The following KLHL5 variants were observed in gnomAD, a reference collection of about 807,000 sequenced individuals.
KLHL5 encodes the protein kelch like family member 5.
KLHL5 carries 48 observed loss-of-function variants against 77.7 expected under a neutral mutation model. That is an observed-to-expected ratio of 0.62 (90% CI 0.49 to 0.79). The LOEUF (loss-of-function observed/expected upper bound fraction) is 0.79. Ranked by LOEUF, KLHL5 falls within the 30% of genes least tolerant of loss-of-function variation. KLHL5 has a pLI of 0.00. For synonymous variants in KLHL5, 260 were observed against 297.0 expected, an observed-to-expected ratio of 0.88 and a Z score of 1.28; for missense variants, 723 against 859.7, an observed-to-expected ratio of 0.84 and a Z score of 1.99.
chr4:39,076,203 T>C (rs533369637), intron 2 of KLHL5, 56 bp downstream of exon 2: 1 of 1,487,266 alleles, frequency 6.7e-7, no homozygotes, highest in Admixed American at 2.2e-5. Context: ...AATTTAGATA[T>C]GTATATTGAG....
At chr4:39,085,742 T>C (rs567978863) in intron 4 of KLHL5, among the ~76,000 whole-genome samples, 2 of 152,300 alleles carry the variant, frequency 1.3e-5, no homozygotes, top group African/African-American at 4.8e-5. Context: ...TTCAGTCTAA[T>C]GTCCTGATCC....
At chr4:39,103,628 C>T in intron 7 of KLHL5, 117 bp downstream of exon 7, 1 of 742,350 alleles carries the variant, frequency 1.3e-6, no homozygotes, top group Non-Finnish European at 2.3e-6. Context: ...AGTCACCAAG[C>T]ATTCCTCACA....
intron 9 of KLHL5, 30 bp from the exon 10 acceptor site, chr4:39,115,129 G>C (rs1471507185): frequency 5.7e-6 from 9 of 1,583,086 alleles, no homozygotes; most frequent in African/African-American, 1.4e-5. Context: ...TAAGAATAAT[G>C]TCAGCTCCGG....
In KLHL5 at chr4:39,081,041, T is replaced by C; in HGVS notation, c.567-62T>C. The C allele has an allele frequency of 2.7e-6, 4 of 1,502,868 alleles. No individual in the cohort carries two copies. The highest frequency in any genetic ancestry group is 3.6e-6 in the Non-Finnish European group (4 of 1,109,960). 93.1% of individuals were successfully genotyped at this position (1,502,868 alleles called of 1,614,324 possible). A position where few individuals can be genotyped will look rare whatever the true frequency, so the allele number is the denominator to read the frequency against. ...AACAAATAAAAAAGAAGCAGCAGCA[T>C]TTATTAATGAACATCAACTCGAATG... On this transcript the variant is annotated intron_variant, in intron 2 of 10. Coordinates refer to ENST00000504108, the MANE Select transcript of KLHL5 (RefSeq NM_015990.5). The surrounding 1 kb of genome is among the most constrained non-coding windows in gnomAD (Gnocchi z 4.3).
At chr4:39,051,403 C>T (rs1716633785) in intron 1 of KLHL5, among the ~76,000 whole-genome samples, 1 of 150,872 alleles carries the variant, frequency 6.6e-6, no homozygotes, top group Non-Finnish European at 1.5e-5. Context: ...TGAGTAAAAG[C>T]TGTGTATGAG....
intron 8 of KLHL5, among the ~76,000 whole-genome samples, chr4:39,108,895 C>G (rs575358895): frequency 6.6e-6 from 1 of 152,140 alleles, no homozygotes. Context: ...ACTGCCTTCT[C>G]TAAAACCTGA....
chr4:39,110,699 C>A (rs28613028), intron 8 of KLHL5, among the ~76,000 whole-genome samples: 3,675 of 152,128 alleles, frequency 0.024, 140 homozygotes, highest in African/African-American at 0.083. Context: ...AATACCTGGG[C>A]CTAAGTAATT....
rs993665095 is a variant in KLHL5, at chr4:39,062,327, C to G, written c.-326C>G. The stretch of plus-strand genomic sequence containing the variant: ...TTGAAAGGACTTTAATGAATGCTGT[C>G]AGTGTTTGTGAGACCTAATGGTCAG... On this transcript the variant is annotated 5_prime_UTR_variant, in exon 1 of 11. It introduces an in-frame stop codon into an upstream open reading frame of the 5' UTR. Coordinates refer to ENST00000504108, the MANE Select transcript of KLHL5 (RefSeq NM_015990.5). 149 of 1,399,430 alleles carry G rather than the reference C, an allele frequency of 1.1e-4. No homozygotes were observed. The highest frequency in any genetic ancestry group is 9.7e-5 in the Non-Finnish European group (105 of 1,081,996). The allele number at this position is 1,399,430 out of a possible 1,614,324, so 86.7% of individuals were successfully genotyped here.
rs1255538934 is a variant in KLHL5 at position 39,123,173 on chromosome 4, A to G, written c.*2107A>G. ...ATTGACAAAACTGGCTCAAAAGGAAATAAAAAATCCAAACAGACCTGTAAC... is the reference window on the plus strand; with the variant it reads ...ATTGACAAAACTGGCTCAAAAGGAAGTAAAAAATCCAAACAGACCTGTAAC... On this transcript the variant is annotated 3_prime_UTR_variant, in exon 11 of 11. Coordinates refer to ENST00000504108, the MANE Select transcript of KLHL5 (RefSeq NM_015990.5). Among the ~76,000 whole-genome samples the G allele has an allele frequency of 1.3e-5, 2 of 152,236 alleles. No homozygotes were observed. The highest frequency in any genetic ancestry group is 4.8e-5 in the African/African-American group (2 of 41,454).
chr4:39,095,670 A>T (rs1469137818), intron 5 of KLHL5, among the ~76,000 whole-genome samples: 2 of 151,904 alleles, frequency 1.3e-5, no homozygotes, highest in African/African-American at 4.8e-5. Context: ...TGATGTCTGT[A>T]ATAAGGAAAT....
chr4:39,068,975 A>G (rs772524936), intron 1 of KLHL5, among the ~76,000 whole-genome samples: 12 of 152,194 alleles, frequency 7.9e-5, no homozygotes, highest in Non-Finnish European at 1.3e-4. Flanking sequence ...TTGTTTTTCT[A>G]TCACCTCATA....
At chr4:39,133,079 A>G in the KLHL5 span, among the ~76,000 whole-genome samples, 1 of 152,108 alleles carries the variant, frequency 6.6e-6, no homozygotes, top group South Asian at 2.1e-4. Flanking sequence ...TTAATATTAT[A>G]TATTTTAATA....
chr4:39,084,960 C>T (rs964608), intron 4 of KLHL5, among the ~76,000 whole-genome samples: 34,871 of 151,940 alleles, frequency 0.23, 4,183 homozygotes, highest in East Asian at 0.34. Context: ...CCATTTTTTA[C>T]CATTGTAAAT....
At chr4:39,046,286 C>G (rs1716183750) in intron 1 of KLHL5, among the ~76,000 whole-genome samples, 1 of 152,000 alleles carries the variant, frequency 6.6e-6, no homozygotes, top group South Asian at 2.1e-4. Flanking sequence ...TAGGATAAAA[C>G]AAACTAAATG....
intron 1 of KLHL5, among the ~76,000 whole-genome samples, chr4:39,051,774 A>G (rs1462566434): frequency 6.6e-6 from 1 of 152,258 alleles, no homozygotes; most frequent in Non-Finnish European, 1.5e-5. Context: ...ACAACTCCAT[A>G]GACTGAGTTT....
intron 8 of KLHL5, among the ~76,000 whole-genome samples, chr4:39,110,533 A>T (rs1286521116): frequency 1.3e-5 from 2 of 152,116 alleles, no homozygotes; most frequent in Non-Finnish European, 2.9e-5. Context: ...ATTACAGCTC[A>T]CTGCAGCCTC....
chr4:39,097,220 AAAGCT>A (rs1197549911), intron 6 of KLHL5, among the ~76,000 whole-genome samples: 3 of 152,230 alleles, frequency 2.0e-5, no homozygotes, highest in Non-Finnish European at 4.4e-5. Flanking sequence ...GGGAGAAAGG[AAAGCT>A]CTTCCTTACA....
chr4:39,127,243 C>T (rs528653105), downstream of KLHL5, among the ~76,000 whole-genome samples: 16 of 151,748 alleles, frequency 1.1e-4, no homozygotes, highest in South Asian at 3.3e-3. Flanking sequence ...ATCACTTCAG[C>T]CCAGGAGACG....
rs370995563 is a variant in KLHL5, at chr4:39,062,285, G to C, written c.-368G>C. ...CTGTCATTTGTGGTTTAAGAAAAAG[G>C]GGGTGGTGTTCTGCATTTGAAAGGA... On this transcript the variant is annotated 5_prime_UTR_variant, in exon 1 of 11. Coordinates refer to ENST00000504108, the MANE Select transcript of KLHL5 (RefSeq NM_015990.5). 53 of 1,338,394 alleles carry C rather than the reference G, an allele frequency of 4.0e-5. No homozygotes were observed. The Admixed American group carries it at 1.8e-3, about 46-fold the overall frequency. 82.9% of individuals were successfully genotyped at this position (1,338,394 alleles called of 1,614,324 possible).
Sources: allele counts gnomAD v4.1 joint callset (sites outside exome capture counted in the v4.1 genomes callset), GRCh38; gene constraint gnomAD v4.1.1; non-coding constraint Gnocchi (gnomAD v3.1); transcripts MANE v1.5; gene names NCBI Gene and HGNC (gene_info 2026-07-23, HGNC 2026-07-21).